SETD2: variants seen among roughly 807,000 people sequenced by gnomAD.
SETD2 encodes SET domain containing 2, histone lysine methyltransferase, also known as histone-lysine N-methyltransferase SETD2.
Under a neutral mutation model 242.1 loss-of-function variants are expected in SETD2, and 31 were observed. That is an observed-to-expected ratio of 0.13 (90% CI 0.10 to 0.17). The LOEUF (loss-of-function observed/expected upper bound fraction) is 0.17. Among genes scored for constraint, SETD2 ranks in the 10% least tolerant of loss-of-function variants. The pLI, the probability that SETD2 is intolerant of heterozygous loss-of-function variation, is 1.00. For missense variants in SETD2, 2,481 were observed against 3,046.3 expected (o/e 0.81, Z 4.37); for synonymous variants, 1,006 against 1,066.5 (o/e 0.94, Z 1.11).
At chr3:47,042,482 C>T in intron 17 of SETD2, 79 bp downstream of exon 17, 1 of 1,423,942 alleles carries the variant, frequency 7.0e-7, no homozygotes, top group Non-Finnish European at 9.9e-7. Flanking sequence ...AAGTTTACAA[C>T]TGTAAAACTC....
intron 12 of SETD2, among the ~76,000 whole-genome samples, chr3:47,078,033 T>TAAA (rs2041166931): frequency 1.3e-5 from 2 of 152,132 alleles, no homozygotes; most frequent in Non-Finnish European, 2.9e-5. Context: ...ATAAACAAAG[T>TAAA]AAAAGGAATA....
At chr3:47,124,592 T>C in intron 2 of SETD2, 44 bp from the exon 3 acceptor site, 1 of 1,459,894 alleles carries the variant, frequency 6.8e-7, no homozygotes, top group Non-Finnish European at 9.2e-7. Flanking sequence ...AATAAATAGT[T>C]ACTTTCAAAT....
At chr3:47,143,300 CA>C (rs2043776028) in intron 1 of SETD2, among the ~76,000 whole-genome samples, 1 of 151,842 alleles carries the variant, frequency 6.6e-6, no homozygotes, top group African/African-American at 2.4e-5. Flanking sequence ...TCTCAAAAAA[CA>C]AAACAAAAAA....
chr3:47,106,272 T>C (rs2107697886), intron 5 of SETD2, 152 bp from the exon 6 acceptor site: 1 of 663,688 alleles, frequency 1.5e-6, no homozygotes, highest in Non-Finnish European at 2.4e-6. Flanking sequence ...ATGTCAAGTA[T>C]CTAGCTTCTA....
At chr3:47,038,974 C>T (rs1183563009) in intron 17 of SETD2, among the ~76,000 whole-genome samples, 1 of 152,122 alleles carries the variant, frequency 6.6e-6, no homozygotes, top group African/African-American at 2.4e-5. Flanking sequence ...ATTAAAGACA[C>T]TTGATATAAA....
intron 1 of SETD2, among the ~76,000 whole-genome samples, chr3:47,156,802 C>T (rs1467919625): frequency 6.6e-6 from 1 of 152,176 alleles, no homozygotes; most frequent in Non-Finnish European, 1.5e-5. Context: ...TACTTTCTCT[C>T]AGTTGGCTTC....
chr3:47,142,631 G>T lies in SETD2; in HGVS notation c.72-15968C>A, dbSNP rs548968880. Among the ~76,000 whole-genome samples, 5 of 151,914 alleles carry T rather than the reference G, an allele frequency of 3.3e-5. No homozygotes were observed. The East Asian group carries it at 7.7e-4, about 23-fold the overall frequency. On this transcript the variant is annotated intron_variant, in intron 1 of 20. Transcript: ENST00000409792. ...TAAATTTAGTATGCTACTTCGTGGT[G>T]GGGGGAGGTGGGGAAGGGGAATACC...
At chr3:47,076,402 G>GA (rs1325884757) in intron 12 of SETD2, among the ~76,000 whole-genome samples, 2 of 152,152 alleles carry the variant, frequency 1.3e-5, no homozygotes, top group African/African-American at 2.4e-5. Context: ...TTTTAAATAG[G>GA]AAACTGAGAT....
intron 1 of SETD2, among the ~76,000 whole-genome samples, chr3:47,127,176 G>A (rs1041032719): frequency 3.3e-5 from 5 of 151,786 alleles, no homozygotes; most frequent in Non-Finnish European, 7.4e-5. Flanking sequence ...GGGCAACATG[G>A]TGAAACCCTG....
chr3:47,067,916 T>G (rs2040635814), intron 12 of SETD2, among the ~76,000 whole-genome samples: 1 of 152,176 alleles, frequency 6.6e-6, no homozygotes, highest in Non-Finnish European at 1.5e-5. Flanking sequence ...TTATAAAAAA[T>G]AAAAAATATA....
Position 47,124,110 on chromosome 3 carries a change from C to T in SETD2, c.526G>A (p.Val176Met), listed in dbSNP as rs2106720387. ...PPTHAAPLPAVIAESTTVDSP... is the reference protein window; with the variant it reads ...PPTHAAPLPAMIAESTTVDSP... ...TCTACAGTTGTTGATTCTGCTATCA[C>T]TGCTGGTAATGGTGCTGCATGAGTA... The change falls in exon 3 of 21, where the codon GTG becomes ATG. Residue 176 changes from valine (V) to methionine (M), a missense_variant. Val to Met is a conservative substitution (Grantham distance 21, BLOSUM62 1). Around this residue, in one of 17 missense-constraint regions of SETD2, gnomAD observed 334 missense variants for 374.5 expected, o/e 0.89. Transcript: ENST00000409792. 2 of 1,551,958 alleles carry T rather than the reference C, an allele frequency of 1.3e-6. No individual in the cohort carries two copies. The highest frequency in any genetic ancestry group is 8.7e-7 in the Non-Finnish European group (1 of 1,147,050).
At chr3:47,146,443 C>A (rs559063531) in intron 1 of SETD2, among the ~76,000 whole-genome samples, 1 of 152,214 alleles carries the variant, frequency 6.6e-6, no homozygotes, top group East Asian at 1.9e-4. Flanking sequence ...GCCTGGCCAA[C>A]ATAGCGAAAC....
At chr3:47,038,156 A>G (rs1419739447) in intron 17 of SETD2, among the ~76,000 whole-genome samples, 1 of 152,248 alleles carries the variant, frequency 6.6e-6, no homozygotes, top group African/African-American at 2.4e-5. Flanking sequence ...GAAGAGGTAA[A>G]CAGTGACTGT....
intron 12 of SETD2, among the ~76,000 whole-genome samples, chr3:47,080,257 T>C (rs944596980): frequency 6.6e-6 from 1 of 152,158 alleles, no homozygotes; most frequent in Non-Finnish European, 1.5e-5. Flanking sequence ...AGAATAGTCA[T>C]TAGGAAGAGT....
At chr3:47,150,663 T>C (rs1310298358) in intron 1 of SETD2, among the ~76,000 whole-genome samples, 1 of 152,048 alleles carries the variant, frequency 6.6e-6, no homozygotes. Flanking sequence ...CTGACCTCTG[T>C]CCTAATCTTA....
At chr3:47,077,746 C>T (rs780889718) in intron 12 of SETD2, among the ~76,000 whole-genome samples, 1 of 152,118 alleles carries the variant, frequency 6.6e-6, no homozygotes, top group Non-Finnish European at 1.5e-5. Context: ...ATGACCAATT[C>T]CGGGGCTGGG....
At chr3:47,110,217 T>C (rs554855752) in intron 5 of SETD2, among the ~76,000 whole-genome samples, 2 of 151,844 alleles carry the variant, frequency 1.3e-5, no homozygotes, top group Non-Finnish European at 2.9e-5. Flanking sequence ...CGAGAATAGA[T>C]CAACCCACAG....
chr3:47,072,860 T>G (rs546140109), intron 12 of SETD2, among the ~76,000 whole-genome samples: 4 of 149,304 alleles, frequency 2.7e-5, no homozygotes, highest in African/African-American at 9.9e-5. Flanking sequence ...GGCAGGAGAA[T>G]GGTGTGACCC....
Position 47,124,302 on chromosome 3 carries a change from A to G in SETD2, c.334T>C (p.Ser112Pro), listed in dbSNP as rs2043238053. The change falls in exon 3 of 21, where the codon TCG becomes CCG. Residue 112 changes from serine (S) to proline (P), a missense_variant. This residue lies in a region of SETD2 where 334 missense variants were observed against 374.5 expected (regional missense o/e 0.89). Transcript: ENST00000409792. ...ATTTCCATTTTCATTTTAGGAGTCGAGTCTACCTGAAGAGGTACAGCTGGA... is the reference window on the plus strand; with the variant it reads ...ATTTCCATTTTCATTTTAGGAGTCGGGTCTACCTGAAGAGGTACAGCTGGA... The part of the protein sequence containing the change: ...NPPAVPLQVD[S>P]TPKMKMEIGD... 1 of 1,551,756 alleles carries G rather than the reference A, an allele frequency of 6.4e-7. No individual in the cohort carries two copies. Among genetic ancestry groups the G allele is most frequent in the Non-Finnish European group, 8.7e-7 (1 of 1,146,998 alleles).
Sources: allele counts gnomAD v4.1 joint callset (sites outside exome capture counted in the v4.1 genomes callset), GRCh38; gene constraint gnomAD v4.1.1; regional missense constraint gnomAD v4.1.1; transcripts MANE v1.5; gene names NCBI Gene and HGNC (gene_info 2026-07-23, HGNC 2026-07-21).